The following SNAP23 variants were observed in gnomAD, a reference collection of about 807,000 sequenced individuals.
SNAP23 encodes synaptosomal-associated protein 23.
SNAP23 carries 11 observed loss-of-function variants against 29.0 expected under a neutral mutation model. The observed-to-expected ratio is 0.38, with a 90% CI of 0.24 to 0.63. The LOEUF is 0.63. Ranked by LOEUF, SNAP23 falls within the 20% of genes least tolerant of loss-of-function variation. The pLI, the probability that SNAP23 is intolerant of heterozygous loss-of-function variation, is 0.58. For synonymous variants in SNAP23, 60 were observed against 82.9 expected (o/e 0.72, Z 1.50); for missense variants, 220 against 253.9 (o/e 0.87, Z 0.91).
At chr15:42,519,997 A>C (rs1377972454) in intron 5 of SNAP23, among the ~76,000 whole-genome samples, 1 of 150,930 alleles carries the variant, frequency 6.6e-6, no homozygotes, top group African/African-American at 2.4e-5. Context: ...TCCAGGCTAC[A>C]CTATGTAGTG....
upstream of SNAP23, among the ~76,000 whole-genome samples, chr15:42,493,260 G>A (rs186471526): frequency 6.6e-6 from 1 of 152,092 alleles, no homozygotes. Flanking sequence ...GAGGATTTGA[G>A]CTGCAAAGGT....
intron 5 of SNAP23, among the ~76,000 whole-genome samples, chr15:42,519,791 C>T (rs2057428370): frequency 6.6e-6 from 1 of 152,082 alleles, no homozygotes; most frequent in African/African-American, 2.4e-5. Context: ...AAATGAGCCA[C>T]CACACGCAAC....
In SNAP23 at chr15:42,511,839, G is replaced by T; in HGVS notation, c.-8G>T. 1.3e-6 allele frequency: 2 copies of T among 1,572,076 alleles called. No individual in the cohort carries two copies. The highest frequency in any genetic ancestry group is 2.4e-5 in the South Asian group (2 of 83,500). On this transcript the variant is annotated 5_prime_UTR_variant, in exon 2 of 8. Coordinates refer to ENST00000249647, the MANE Select transcript of SNAP23 (RefSeq NM_003825.4). ...CCATTTCTGTGCCTAATAGAGTTTT[G>T]ATTCATCATGGATAATCTGTCATCA...
chr15:42,497,204 ATT>A (rs1192101985), intron 1 of SNAP23, among the ~76,000 whole-genome samples: 9,615 of 103,946 alleles, frequency 0.092, 359 homozygotes, highest in South Asian at 0.13. Flanking sequence ...AACCTGGCTA[ATT>A]TTTTTTTTTT....
At chr15:42,517,353 CTT>C (rs1404295393) in intron 5 of SNAP23, among the ~76,000 whole-genome samples, 1 of 152,172 alleles carries the variant, frequency 6.6e-6, no homozygotes, top group Admixed American at 6.5e-5. Flanking sequence ...GTACCTTTCT[CTT>C]GTGTTCCATG....
intron 6 of SNAP23, among the ~76,000 whole-genome samples, chr15:42,528,804 T>C (rs958364351): frequency 2.6e-5 from 4 of 152,162 alleles, no homozygotes; most frequent in Non-Finnish European, 5.9e-5. Context: ...CAGGCTGGTC[T>C]TGGACTCCTG....
chr15:42,498,819 A>T (rs994962954), intron 1 of SNAP23, among the ~76,000 whole-genome samples: 1 of 152,206 alleles, frequency 6.6e-6, no homozygotes, highest in Non-Finnish European at 1.5e-5. Flanking sequence ...TTGACAGGTC[A>T]TGTGAAAGTA....
intron 5 of SNAP23, among the ~76,000 whole-genome samples, chr15:42,518,522 C>T (rs1480877307): frequency 1.3e-5 from 2 of 151,242 alleles, no homozygotes; most frequent in Non-Finnish European, 1.5e-5. Flanking sequence ...CAGCCTCAAC[C>T]TATCCTCCAG....
intron 4 of SNAP23, among the ~76,000 whole-genome samples, chr15:42,513,856 C>T (rs2057377321): frequency 6.6e-6 from 1 of 152,054 alleles, no homozygotes; most frequent in Non-Finnish European, 1.5e-5. Flanking sequence ...TCTTCTTGCC[C>T]AGGCTGGAGT....
intron 5 of SNAP23, 121 bp from the exon 6 acceptor site, chr15:42,528,138 CTTA>C: frequency 3.5e-6 from 2 of 576,084 alleles, no homozygotes; most frequent in Non-Finnish European, 5.8e-6. Context: ...ATCATCTAGA[CTTA>C]GCTGTATGCA....
At chr15:42,511,682 G>A (rs986544487) in intron 1 of SNAP23, among the ~76,000 whole-genome samples, 151 bp from the exon 2 acceptor site, 1 of 151,376 alleles carries the variant, frequency 6.6e-6, no homozygotes, top group Non-Finnish European at 1.5e-5. Context: ...TTCTTTACTT[G>A]TGGTAGACTA....
intron 1 of SNAP23, among the ~76,000 whole-genome samples, chr15:42,510,602 T>C (rs1406414758): frequency 6.6e-6 from 1 of 152,226 alleles, no homozygotes; most frequent in African/African-American, 2.4e-5. Flanking sequence ...TTTCTACTTA[T>C]TTGTTCATTC....
At chr15:42,511,633 C>T (rs1358408912) in intron 1 of SNAP23, among the ~76,000 whole-genome samples, 200 bp from the exon 2 acceptor site, 1 of 152,150 alleles carries the variant, frequency 6.6e-6, no homozygotes, top group African/African-American at 2.4e-5. Flanking sequence ...ACCCTTGGCA[C>T]TCTTATTAAA....
intron 5 of SNAP23, among the ~76,000 whole-genome samples, chr15:42,516,772 AG>A (rs2057400378): frequency 6.6e-6 from 1 of 152,272 alleles, no homozygotes; most frequent in Non-Finnish European, 1.5e-5. Context: ...TTTCTGTTAT[AG>A]AAAGTAGAGA....
At chr15:42,522,842 C>CTTTTTTT (rs5812226) in intron 5 of SNAP23, among the ~76,000 whole-genome samples, 11 of 91,046 alleles carry the variant, frequency 1.2e-4, no homozygotes, top group Non-Finnish European at 1.4e-4. Context: ...TAAAACTTGC[C>CTTTTTTT]TTTTTTTTTT....
At chr15:42,515,504 TGTGTAAATACTGC>T in intron 5 of SNAP23, 150 bp downstream of exon 5, 1 of 585,444 alleles carries the variant, frequency 1.7e-6, no homozygotes, top group Non-Finnish European at 3.0e-6. Flanking sequence ...TTAAGCTTTT[TGTGTAAATACTGC>T]GTGTTCACTG....
At chr15:42,523,806 T>TTTTGTTTG (rs144295533) in intron 5 of SNAP23, among the ~76,000 whole-genome samples, 4 of 151,734 alleles carry the variant, frequency 2.6e-5, no homozygotes, top group East Asian at 1.9e-4. Flanking sequence ...GTTTTTTGTT[T>TTTTGTTTG]TTTGTTTGTT....
chr15:42,496,917 C>T (rs2057224183), intron 1 of SNAP23, among the ~76,000 whole-genome samples: 1 of 152,056 alleles, frequency 6.6e-6, no homozygotes, highest in South Asian at 2.1e-4. Flanking sequence ...CTTATAAAAC[C>T]AGTATCATGA....
chr15:42,519,918 C>G (rs1437698473), intron 5 of SNAP23, among the ~76,000 whole-genome samples: 1 of 152,014 alleles, frequency 6.6e-6, no homozygotes, highest in African/African-American at 2.4e-5. Context: ...CTATTCTGAA[C>G]ATGTTAATTT....
Sources: allele counts gnomAD v4.1 joint callset (sites outside exome capture counted in the v4.1 genomes callset), GRCh38; gene constraint gnomAD v4.1.1; transcripts MANE v1.5; gene names NCBI Gene and HGNC (gene_info 2026-07-23, HGNC 2026-07-21).